The following ELP3 variants were observed in gnomAD, a reference collection of about 807,000 sequenced individuals.
ELP3 encodes the protein elongator acetyltransferase complex subunit 3, also known as elongator complex protein 3.
In ELP3, 56 loss-of-function variants were observed where a neutral mutation model predicts 74.9. That is an observed-to-expected ratio of 0.75 (90% CI 0.60 to 0.93). The LOEUF is 0.93. Among genes scored for constraint, ELP3 ranks in the 40% least tolerant of loss-of-function variants. The pLI, the probability that ELP3 is intolerant of heterozygous loss-of-function variation, is 0.00. For synonymous variants in ELP3, 222 were observed against 239.8 expected, an observed-to-expected ratio of 0.93 and a Z score of 0.68; for missense variants, 573 against 686.5, an observed-to-expected ratio of 0.83 and a Z score of 1.85.
At chr8:28,123,050 G>C (rs1812435506) in intron 7 of ELP3, among the ~76,000 whole-genome samples, 1 of 152,166 alleles carries the variant, frequency 6.6e-6, no homozygotes, top group South Asian at 2.1e-4. Context: ...CTTGAACCTG[G>C]GAGGCAGAGG....
At chr8:28,124,310 G>A (rs750090500) in intron 7 of ELP3, among the ~76,000 whole-genome samples, 6 of 152,182 alleles carry the variant, frequency 3.9e-5, no homozygotes, top group Non-Finnish European at 7.4e-5. Context: ...ATAGTCTCCA[G>A]ACTTATTTAT....
intron 14 of ELP3, among the ~76,000 whole-genome samples, chr8:28,168,157 T>C (rs1414293661): frequency 1.3e-5 from 2 of 152,242 alleles, no homozygotes; most frequent in Admixed American, 1.3e-4. Context: ...AGACCATCTC[T>C]AACTTGGCAT....
rs1811872685 is a variant in ELP3 at position 28,110,439 on chromosome 8, G to A, written c.462+1G>A. On this transcript the variant is annotated splice_donor_variant, in intron 6 of 14. Transcript: ENST00000256398. LOFTEE classifies it high-confidence loss of function. ...ACAGACAAGACACCGAATAGAACAGGTACATTTTTAAAAAACATGTTTCTT... is the reference window on the plus strand; with the variant it reads ...ACAGACAAGACACCGAATAGAACAGATACATTTTTAAAAAACATGTTTCTT... 6.2e-7 allele frequency: 1 copy of A among 1,607,668 alleles called. No individual in the cohort carries two copies. Among genetic ancestry groups the A allele is most frequent in the South Asian group, 1.1e-5 (1 of 89,660 alleles).
intron 10 of ELP3, among the ~76,000 whole-genome samples, chr8:28,148,677 T>C (rs1324679686): frequency 6.6e-6 from 1 of 152,236 alleles, no homozygotes; most frequent in African/African-American, 2.4e-5. Context: ...GCACTTTCTG[T>C]ATCGACTAAT....
chr8:28,164,026 A>G (rs182580396), intron 14 of ELP3, among the ~76,000 whole-genome samples: 1 of 152,156 alleles, frequency 6.6e-6, no homozygotes, highest in Non-Finnish European at 1.5e-5. Context: ...GCAGTGCTAC[A>G]CTCCCAGAGT....
In ELP3 at chr8:28,111,517, T is replaced by C. The variant is rs144240953; in HGVS notation, c.462+1079T>C. On this transcript the variant is annotated intron_variant, in intron 6 of 14. Transcript: ENST00000256398. Reference sequence around the variant, plus strand: ...GTTTGTTTATTGGCTTATTGGTGAATACTGTTCAGTTTTAATATCCACTTT... The same window carrying C: ...GTTTGTTTATTGGCTTATTGGTGAACACTGTTCAGTTTTAATATCCACTTT... 3.9e-3 allele frequency among the ~76,000 whole-genome samples: 587 copies of C among 152,346 alleles called. 3 individuals are homozygous for C. The highest frequency in any genetic ancestry group is 6.6e-3 in the Non-Finnish European group (450 of 68,026).
At chr8:28,111,766 G>C (rs1036221770) in intron 6 of ELP3, among the ~76,000 whole-genome samples, 1 of 152,220 alleles carries the variant, frequency 6.6e-6, no homozygotes, top group African/African-American at 2.4e-5. Context: ...AATGAACATA[G>C]AGCAGTGATT....
At chr8:28,184,950 A>G (rs1815174178) in intron 14 of ELP3, among the ~76,000 whole-genome samples, 1 of 98,218 alleles carries the variant, frequency 1.0e-5, no homozygotes, top group African/African-American at 3.0e-5. Context: ...CCTGGGTGAC[A>G]AGAGCAAAAC....
At position 28,131,665 on chromosome 8, in the gene ELP3, G is replaced by T. The variant is rs1162415791; in HGVS notation, c.780-613G>T. On this transcript the variant is annotated intron_variant, in intron 8 of 14. Coordinates refer to ENST00000256398, the MANE Select transcript of ELP3 (RefSeq NM_018091.6). ...TTAGGACTTGTTTCCTGCTGGATTG[G>T]CTCTAGAATGCCAAGTTAAGATGAT... 2.0e-5 allele frequency among the ~76,000 whole-genome samples: 3 copies of T among 152,118 alleles called. No homozygotes were observed. In the East Asian group the frequency reaches 5.8e-4, roughly 29 times the overall value.
chr8:28,130,293 T>C (rs554513332), intron 8 of ELP3, among the ~76,000 whole-genome samples: 39 of 152,286 alleles, frequency 2.6e-4, no homozygotes, highest in Admixed American at 4.6e-4. Flanking sequence ...GCTGAGATGA[T>C]TGACCGAGAA....
chr8:28,189,377 C>T (rs1314599082), intron 14 of ELP3, among the ~76,000 whole-genome samples: 1 of 152,214 alleles, frequency 6.6e-6, no homozygotes, highest in Non-Finnish European at 1.5e-5. Context: ...CGGGTGCACA[C>T]GTTTGCTGTT....
intron 11 of ELP3, among the ~76,000 whole-genome samples, chr8:28,156,392 A>G (rs1813829931): frequency 6.6e-6 from 1 of 152,340 alleles, no homozygotes; most frequent in East Asian, 1.9e-4. Flanking sequence ...GACAAGTATT[A>G]TGTGCATGAA....
chr8:28,093,328 C>A (rs1166423900), intron 1 of ELP3, 95 bp downstream of exon 1: 24 of 1,538,508 alleles, frequency 1.6e-5, no homozygotes, highest in Non-Finnish European at 8.8e-7. Flanking sequence ...CCGCGAGAAT[C>A]CGCTACCCAG....
In ELP3 at chr8:28,160,289, G is replaced by A. The variant is rs143180664; in HGVS notation, c.1318G>A (p.Glu440Lys). Residue 440 changes from glutamate (E) to lysine (K), a missense_variant, in exon 13 of 15, where the codon GAA (glutamate) becomes AAA (lysine). Glu to Lys is a moderately conservative substitution (Grantham distance 56). Coordinates refer to ENST00000256398, the MANE Select transcript of ELP3 (RefSeq NM_018091.6). Reference sequence around the variant, plus strand: ...TGGCTGGGAAACATTCTTGTCATACGAAGACCCAGATCAAGACATTTTGAT... The same window carrying A: ...TGGCTGGGAAACATTCTTGTCATACAAAGACCCAGATCAAGACATTTTGAT... Reference protein sequence around the residue: ...NGGWETFLSYEDPDQDILIGL... With the variant: ...NGGWETFLSYKDPDQDILIGL... 2.7e-4 allele frequency: 443 copies of A among 1,614,114 alleles called. No individual in the cohort carries two copies. The highest frequency in any genetic ancestry group is 3.5e-4 in the Non-Finnish European group (416 of 1,180,018).
At chr8:28,178,619 G>A (rs1814862689) in intron 14 of ELP3, among the ~76,000 whole-genome samples, 1 of 152,158 alleles carries the variant, frequency 6.6e-6, no homozygotes, top group Non-Finnish European at 1.5e-5. Context: ...ATATTCTTGT[G>A]TATGTATTTT....
intron 7 of ELP3, among the ~76,000 whole-genome samples, chr8:28,123,325 G>A (rs1812446359): frequency 6.6e-6 from 1 of 152,018 alleles, no homozygotes; most frequent in African/African-American, 2.4e-5. Flanking sequence ...CAGACAATGA[G>A]GTTTTTCTTG....
chr8:28,131,753 T>C (rs1812794111), intron 8 of ELP3, among the ~76,000 whole-genome samples: 1 of 152,236 alleles, frequency 6.6e-6, no homozygotes, highest in Admixed American at 6.5e-5. Flanking sequence ...TCTACTGTTA[T>C]TTAAGGATCC....
intron 8 of ELP3, among the ~76,000 whole-genome samples, chr8:28,131,228 T>C (rs1028037252): frequency 8.5e-5 from 13 of 152,228 alleles, no homozygotes; most frequent in African/African-American, 3.1e-4. Flanking sequence ...ACACTAAGTT[T>C]CAGATACCTG....
chr8:28,137,969 A>G (rs1231665334), intron 10 of ELP3, 78 bp downstream of exon 10: 2 of 1,306,928 alleles, frequency 1.5e-6, no homozygotes, highest in Non-Finnish European at 2.0e-6. Flanking sequence ...GTCTGATTTC[A>G]TATTGAGGGT....
Sources: gnomAD v4.1 joint callset for allele counts (sites outside exome capture counted in the v4.1 genomes callset) on GRCh38, gnomAD v4.1.1 for gene constraint, MANE v1.5 for transcripts, NCBI Gene and HGNC (gene_info 2026-07-23, HGNC 2026-07-21) for gene names.